Variants in ACSS2 observed in about 807,000 individuals in gnomAD.
The protein encoded by ACSS2 is acyl-CoA synthetase short chain family member 2.
ACSS2 carries 58 observed loss-of-function variants against 90.6 expected under a neutral mutation model. That is an observed-to-expected ratio of 0.64 (90% CI 0.52 to 0.80). The LOEUF (loss-of-function observed/expected upper bound fraction) is 0.80. Among genes scored for constraint, ACSS2 ranks in the 30% least tolerant of loss-of-function variants. The pLI, the probability that ACSS2 is intolerant of heterozygous loss-of-function variation, is 0.00. For missense variants in ACSS2, 759 were observed against 912.0 expected, an observed-to-expected ratio of 0.83 and a Z score of 2.16; for synonymous variants, 300 against 330.9, an observed-to-expected ratio of 0.91 and a Z score of 1.01.
At chr20:34,923,463 C>T in intron 14 of ACSS2, 32 bp downstream of exon 14, 1 of 1,493,360 alleles carries the variant, frequency 6.7e-7, no homozygotes, top group Non-Finnish European at 9.3e-7. Context: ...CTTGCACCTC[C>T]CACTAAGACA....
chr20:34,907,488 T>C (rs1191876614), intron 2 of ACSS2, among the ~76,000 whole-genome samples: 1 of 152,244 alleles, frequency 6.6e-6, no homozygotes, highest in Non-Finnish European at 1.5e-5. Flanking sequence ...GTGGTTGTAC[T>C]TGCAGATACA....
At chr20:34,881,463 A>T (rs186062135) in intron 1 of ACSS2, among the ~76,000 whole-genome samples, 1 of 152,304 alleles carries the variant, frequency 6.6e-6, no homozygotes, top group East Asian at 1.9e-4. Flanking sequence ...TGATCATGTT[A>T]CTTGCTTAAA....
chr20:34,881,548 C>T (rs1056695800), intron 1 of ACSS2, among the ~76,000 whole-genome samples: 16 of 152,042 alleles, frequency 1.1e-4, no homozygotes, highest in Non-Finnish European at 2.1e-4. Flanking sequence ...CATGATTTGC[C>T]CAGTTTATGC....
intron 2 of ACSS2, among the ~76,000 whole-genome samples, chr20:34,896,818 C>T (rs1195778641): frequency 3.3e-5 from 5 of 152,090 alleles, no homozygotes; most frequent in Non-Finnish European, 5.9e-5. Context: ...CCAAGGCGGG[C>T]GGATCACTTG....
In ACSS2 at chr20:34,921,372, A is replaced by G; in HGVS notation, c.1320A>G (p.Glu440=). Residue 440 remains glutamate, a synonymous_variant, in exon 11 of 18, where the codon GAA becomes GAG. Transcript: ENST00000360596. ...TGCAGGTGTTAGGCACAGTGGGTGA[A>G]CCCATCAACCCTGAGGCCTGGCTAT... is the stretch of plus-strand genomic sequence containing the variant. ...ASLQVLGTVG[E]PINPEAWLWY... 6.2e-7 allele frequency: 1 copy of G among 1,614,130 alleles called. No homozygotes were observed. Among genetic ancestry groups the G allele is most frequent in the Non-Finnish European group, 8.5e-7 (1 of 1,180,016 alleles).
At chr20:34,897,248 G>C (rs2080486605) in intron 2 of ACSS2, among the ~76,000 whole-genome samples, 1 of 151,956 alleles carries the variant, frequency 6.6e-6, no homozygotes, top group Non-Finnish European at 1.5e-5. Flanking sequence ...CCCATTTAAA[G>C]TATACAATTC....
intron 13 of ACSS2, 156 bp from the exon 14 acceptor site, chr20:34,923,167 T>A (rs913714815): frequency 2.0e-5 from 12 of 601,966 alleles, no homozygotes; most frequent in African/African-American, 1.8e-4. Context: ...GTCACCTAGC[T>A]AGTAAGTGGT....
chr20:34,894,529 G>A (rs2080417226), intron 2 of ACSS2, among the ~76,000 whole-genome samples: 1 of 151,876 alleles, frequency 6.6e-6, no homozygotes, highest in African/African-American at 2.4e-5. Flanking sequence ...GCTGGGTATG[G>A]TCATGCATGC....
intron 14 of ACSS2, among the ~76,000 whole-genome samples, chr20:34,924,394 G>A (rs2081271027): frequency 6.6e-6 from 1 of 152,196 alleles, no homozygotes; most frequent in Non-Finnish European, 1.5e-5. Context: ...TGCAGGGATG[G>A]CTACTGTACA....
At chr20:34,912,154 T>C (rs2080974485) in intron 2 of ACSS2, among the ~76,000 whole-genome samples, 1 of 152,184 alleles carries the variant, frequency 6.6e-6, no homozygotes, top group Admixed American at 6.5e-5. Flanking sequence ...AGATAGCACA[T>C]AGTAGTTGTT....
rs1016194028 is a variant in ACSS2, at chr20:34,927,956, T to G, written c.*742T>G. The G allele has an allele frequency of 1.3e-5, 2 of 152,850 alleles. No individual in the cohort carries two copies. The highest frequency in any genetic ancestry group is 4.8e-5 in the African/African-American group (2 of 41,454). The allele number at this position is 152,850 out of a possible 1,614,324, so 9.5% of individuals were successfully genotyped here. ...GGTTGTAGGAATAAAGCCTGTGATC[T>G]CAAGAAGTGGTGACTTGTTTTCTTA... On this transcript the variant is annotated 3_prime_UTR_variant, in exon 18 of 18. Coordinates refer to ENST00000360596, the MANE Select transcript of ACSS2 (RefSeq NM_018677.4). The surrounding 1 kb of genome is among the most constrained non-coding windows in gnomAD (Gnocchi z 4.2).
rs748936906 is a variant in ACSS2, at chr20:34,919,573, G to A, written c.972+1G>A. The A allele has an allele frequency of 3.8e-6, 6 of 1,585,112 alleles. No individual in the cohort carries two copies. In the South Asian group the frequency reaches 6.7e-5, roughly 18 times the overall value. On this transcript the variant is annotated splice_donor_variant, in intron 8 of 17. Transcript: ENST00000360596. LOFTEE classifies it high-confidence loss of function. ...CAGTGGCTCCACAGGCAAACCCAAG[G>A]CAAGTGTGTGTGTGTGTGTGTGTGT...
chr20:34,896,581 A>G (rs917494089), intron 2 of ACSS2, among the ~76,000 whole-genome samples: 20 of 152,162 alleles, frequency 1.3e-4, no homozygotes, highest in African/African-American at 4.8e-4. Flanking sequence ...TCATTTTACA[A>G]TTATGTATTA....
At chr20:34,877,218 G>A (rs2079938266) in intron 1 of ACSS2, among the ~76,000 whole-genome samples, 1 of 152,056 alleles carries the variant, frequency 6.6e-6, no homozygotes, top group South Asian at 2.1e-4. Context: ...GAAGGGAGGA[G>A]GGCCACGAAT....
chr20:34,899,431 C>CT (rs1491575352), intron 2 of ACSS2, among the ~76,000 whole-genome samples: 7 of 59,802 alleles, frequency 1.2e-4, no homozygotes, highest in East Asian at 4.0e-4. Context: ...TCTTTCCTTC[C>CT]TTCCTTCCTT....
At chr20:34,902,486 A>C (rs2080687199) in intron 2 of ACSS2, among the ~76,000 whole-genome samples, 1 of 152,066 alleles carries the variant, frequency 6.6e-6, no homozygotes, top group Non-Finnish European at 1.5e-5. Context: ...TTTGAAACAC[A>C]AGAAGAGTTG....
intron 2 of ACSS2, among the ~76,000 whole-genome samples, chr20:34,892,267 C>A (rs1040075836): frequency 1.3e-5 from 2 of 152,152 alleles, no homozygotes; most frequent in African/African-American, 4.8e-5. Context: ...ACATTTATAA[C>A]AATTAACTCA....
chr20:34,925,352 T>C (rs1275375494), intron 14 of ACSS2, among the ~76,000 whole-genome samples: 1 of 152,168 alleles, frequency 6.6e-6, no homozygotes, highest in Non-Finnish European at 1.5e-5. Flanking sequence ...GACTACTCAA[T>C]ACATGGCAGC....
intron 15 of ACSS2, 146 bp downstream of exon 15, chr20:34,925,912 G>A: frequency 1.8e-6 from 2 of 1,096,248 alleles, no homozygotes; most frequent in Non-Finnish European, 1.3e-6. Context: ...GGTTTTAGAG[G>A]AGTAATGAAC....
Sources: allele counts gnomAD v4.1 joint callset (sites outside exome capture counted in the v4.1 genomes callset), GRCh38; gene constraint gnomAD v4.1.1; non-coding constraint Gnocchi (gnomAD v3.1); transcripts MANE v1.5; gene names NCBI Gene and HGNC (gene_info 2026-07-23, HGNC 2026-07-21).